The following GLIS3 variants were observed in gnomAD, a reference collection of about 807,000 sequenced individuals.
GLIS3 encodes the protein GLIS family zinc finger 3.
Under a neutral mutation model 78.6 loss-of-function variants are expected in GLIS3, and 53 were observed. That is an observed-to-expected ratio of 0.67 (90% CI 0.54 to 0.85). The LOEUF (loss-of-function observed/expected upper bound fraction) is 0.85. Among genes scored for constraint, GLIS3 ranks in the 40% least tolerant of loss-of-function variants. GLIS3 has a pLI of 0.00. For synonymous variants in GLIS3, 684 were observed against 509.9 expected (o/e 1.34, Z -4.60); for missense variants, 1,703 against 1,231.1 (o/e 1.38, Z -5.74).
chr9:3,844,310 G>T (rs1818909197), intron 9 of GLIS3, among the ~76,000 whole-genome samples: 1 of 152,038 alleles, frequency 6.6e-6, no homozygotes, highest in African/African-American at 2.4e-5. Flanking sequence ...ATTTATAAGG[G>T]TAATTCCAGT....
chr9:4,323,178 C>T lies in GLIS3; in HGVS notation n.265-12650G>A, dbSNP rs60619529. On this transcript the variant is annotated intron_variant and non_coding_transcript_variant, in intron 2 of 4. Coordinates refer to the GLIS3 transcript ENST00000471664. ...CCATTTATTAAATAGGGAATCCTTT[C>T]CCCATTGCTTGTTTTTCTCAGGTTT... is the stretch of plus-strand genomic sequence containing the variant. 8.1e-3 allele frequency among the ~76,000 whole-genome samples: 1,234 copies of T among 152,222 alleles called. 13 individuals are homozygous for T. The highest frequency in any genetic ancestry group is 0.028 in the African/African-American group (1,174 of 41,534).
At chr9:3,833,885 T>C (rs776821083) in intron 9 of GLIS3, among the ~76,000 whole-genome samples, 13 of 152,166 alleles carry the variant, frequency 8.5e-5, no homozygotes, top group African/African-American at 1.4e-4. Flanking sequence ...CATTCCTCCT[T>C]CTCTCAGTTT....
intron 2 of GLIS3, among the ~76,000 whole-genome samples, chr9:4,314,701 C>T (rs12350802): frequency 0.14 from 21,306 of 152,184 alleles, 2,626 homozygotes; most frequent in African/African-American, 0.33. Context: ...TGAAAAAGAA[C>T]ACTGATTTTT....
chr9:4,462,644 C>A, the GLIS3 span, among the ~76,000 whole-genome samples: 1 of 148,160 alleles, frequency 6.7e-6, no homozygotes. Context: ...GACACGCACA[C>A]ACACACACAC....
At chr9:4,024,422 T>C (rs1293787460) in intron 4 of GLIS3, among the ~76,000 whole-genome samples, 1 of 152,226 alleles carries the variant, frequency 6.6e-6, no homozygotes, top group African/African-American at 2.4e-5. Flanking sequence ...ACACTTATTC[T>C]TGAATCAGCC....
intron 9 of GLIS3, among the ~76,000 whole-genome samples, chr9:3,847,214 TA>T (rs113542066): frequency 0.49 from 73,069 of 150,634 alleles, 17,887 homozygotes; most frequent in East Asian, 0.6. Context: ...AATACATAAA[TA>T]AAAAAAAATA....
chr9:4,158,122 T>A (rs1288042597), intron 2 of GLIS3, among the ~76,000 whole-genome samples: 2 of 152,104 alleles, frequency 1.3e-5, no homozygotes, highest in Non-Finnish European at 2.9e-5. Flanking sequence ...GGGGAAAAAA[T>A]CTTTTTTTTC....
chr9:3,976,363 T>C (rs1056036730), intron 4 of GLIS3, among the ~76,000 whole-genome samples: 2 of 152,154 alleles, frequency 1.3e-5, no homozygotes, highest in African/African-American at 4.8e-5. Flanking sequence ...TCTGTGTTAC[T>C]GCTCATGACA....
the GLIS3 span, among the ~76,000 whole-genome samples, chr9:4,382,423 T>C: frequency 6.6e-5 from 10 of 152,234 alleles, no homozygotes; most frequent in Non-Finnish European, 1.5e-4. Context: ...TGTGATTGTT[T>C]TTTAACTTCT....
In GLIS3 at chr9:4,260,058, A is replaced by G. The variant is rs538214881; in HGVS notation, c.388+25980T>C. On this transcript the variant is annotated intron_variant, in intron 2 of 10. Coordinates refer to ENST00000381971, the MANE Select transcript of GLIS3 (RefSeq NM_001042413.2). Reference sequence around the variant, plus strand: ...AAAGAGAATTAGGTGGTTCTATAGAAGGAACGATAGTGACCTCTGATCTAC... The same window carrying G: ...AAAGAGAATTAGGTGGTTCTATAGAGGGAACGATAGTGACCTCTGATCTAC... Among the ~76,000 whole-genome samples the G allele has an allele frequency of 2.0e-5, 3 of 152,248 alleles. No individual in the cohort carries two copies. In the East Asian group the frequency reaches 5.8e-4, roughly 29 times the overall value.
the GLIS3 span, among the ~76,000 whole-genome samples, chr9:4,483,874 A>T: frequency 6.6e-6 from 1 of 152,218 alleles, no homozygotes; most frequent in Non-Finnish European, 1.5e-5. Context: ...GCTGTAAGAT[A>T]ATGATGATAA....
intron 4 of GLIS3, among the ~76,000 whole-genome samples, chr9:4,039,558 A>G (rs943255470): frequency 2.0e-5 from 3 of 152,120 alleles, no homozygotes; most frequent in African/African-American, 7.2e-5. Flanking sequence ...CACCTCATCT[A>G]ACTCCCTCAA....
intron 2 of GLIS3, among the ~76,000 whole-genome samples, chr9:4,228,588 G>C (rs1821985403): frequency 6.6e-6 from 1 of 152,216 alleles, no homozygotes; most frequent in East Asian, 1.9e-4. Context: ...CAAGGGAAGA[G>C]CTGTAGCATC....
chr9:4,042,922 C>T (rs542024557), intron 4 of GLIS3, among the ~76,000 whole-genome samples: 4 of 146,796 alleles, frequency 2.7e-5, no homozygotes, highest in East Asian at 2.0e-4. Context: ...TGTGCCAGGA[C>T]GCCAAGTCAT....
At chr9:3,992,493 T>C (rs1454532483) in intron 4 of GLIS3, among the ~76,000 whole-genome samples, 1 of 152,328 alleles carries the variant, frequency 6.6e-6, no homozygotes, top group East Asian at 1.9e-4. Flanking sequence ...ACACAGGTAC[T>C]AAAGCAAATC....
chr9:4,014,551 C>T (rs919734321), intron 4 of GLIS3, among the ~76,000 whole-genome samples: 1 of 152,020 alleles, frequency 6.6e-6, no homozygotes, highest in African/African-American at 2.4e-5. Flanking sequence ...TAGCTACAAG[C>T]CAAGAAATGC....
intron 8 of GLIS3, among the ~76,000 whole-genome samples, chr9:3,865,688 C>T (rs1176820382): frequency 2.6e-5 from 4 of 152,110 alleles, no homozygotes; most frequent in Non-Finnish European, 4.4e-5. Flanking sequence ...GACTGAAAAT[C>T]CAAGGGGACT....
At chr9:4,155,362 A>G (rs151316813) in intron 2 of GLIS3, among the ~76,000 whole-genome samples, 38 of 152,334 alleles carry the variant, frequency 2.5e-4, no homozygotes, top group African/African-American at 7.7e-4. Context: ...GACCCATTAC[A>G]TGGCGCATTT....
chr9:4,163,758 T>A lies in GLIS3; in HGVS notation c.389-37817A>T, dbSNP rs116299196. ...TATCTCACAGGATTCTTGAGAAAATTAGGTATGCTCAGAATTGTGCTTAGT... is the reference window on the plus strand; with the variant it reads ...TATCTCACAGGATTCTTGAGAAAATAAGGTATGCTCAGAATTGTGCTTAGT... On this transcript the variant is annotated intron_variant, in intron 2 of 10. Transcript: ENST00000381971. Among the ~76,000 whole-genome samples, 701 of 152,354 alleles carry A rather than the reference T, an allele frequency of 4.6e-3. 8 individuals carry two copies. The highest frequency in any genetic ancestry group is 0.016 in the African/African-American group (658 of 41,584).
Sources: gnomAD v4.1 joint callset for allele counts (sites outside exome capture counted in the v4.1 genomes callset) on GRCh38, gnomAD v4.1.1 for gene constraint, MANE v1.5 for transcripts, NCBI Gene and HGNC (gene_info 2026-07-23, HGNC 2026-07-21) for gene names.